Variants in NDST3 observed in about 807,000 individuals in gnomAD.
NDST3 encodes the protein bifunctional heparan sulfate N-deacetylase/N-sulfotransferase 3.
In NDST3, 58 loss-of-function variants were observed where a neutral mutation model predicts 96.1. That is an observed-to-expected ratio of 0.60 (90% confidence interval 0.49 to 0.75). The LOEUF (loss-of-function observed/expected upper bound fraction) is 0.75. Among genes scored for constraint, NDST3 ranks in the 30% least tolerant of loss-of-function variants. The probability of loss-of-function intolerance (pLI) is 0.00; values close to 1 mark genes in which losing one functional copy is unlikely to be tolerated. For missense variants in NDST3, 788 were observed against 1,034.2 expected (o/e 0.76, Z 3.27); for synonymous variants, 333 against 359.7 (o/e 0.93, Z 0.84).
rs575597428 is a variant in NDST3 at position 118,251,314 on chromosome 4, G to A, written c.2400-2185G>A. The stretch of plus-strand genomic sequence containing the variant: ...GCTAATTTTTTGTATTTTTAGTAGA[G>A]ATGGGGTTTCACTGTGTTAGCCAGG... On this transcript the variant is annotated intron_variant, in intron 12 of 13. Transcript: ENST00000296499. 5.1e-3 allele frequency among the ~76,000 whole-genome samples: 774 copies of A among 151,436 alleles called. 5 individuals carry two copies. Among genetic ancestry groups the A allele is most frequent in the African/African-American group, 0.018 (733 of 41,348 alleles).
At chr4:118,066,195 A>T (rs747668705) in intron 2 of NDST3, among the ~76,000 whole-genome samples, 3 of 47,392 alleles carry the variant, frequency 6.3e-5, no homozygotes, top group African/African-American at 1.5e-4. Flanking sequence ...TATCTTATAT[A>T]TTATATTTTA....
rs578025202 is a variant in NDST3 at position 118,254,722 on chromosome 4, C to T, written c.2503-871C>T. Among the ~76,000 whole-genome samples, 11 of 152,232 alleles carry T rather than the reference C, an allele frequency of 7.2e-5. No individual in the cohort carries two copies. In the South Asian group the frequency reaches 2.1e-3, roughly 29 times the overall value. On this transcript the variant is annotated intron_variant, in intron 13 of 13. Transcript: ENST00000296499. ...TGGGATTTTTCCCCCACAATTAATA[C>T]ATTACATTAACTGAGAACCCTAAGA...
At chr4:118,197,518 C>T (rs75017647) in intron 6 of NDST3, among the ~76,000 whole-genome samples, 7,655 of 152,108 alleles carry the variant, frequency 0.05, 294 homozygotes, top group Admixed American at 0.067. Flanking sequence ...TATTTAAAAT[C>T]GTTATATCCT....
chr4:118,128,803 A>G (rs1383842590), intron 4 of NDST3, among the ~76,000 whole-genome samples: 8 of 152,060 alleles, frequency 5.3e-5, no homozygotes, highest in Admixed American at 5.2e-4. Context: ...TCAGCAGTGT[A>G]GCCATCAAGT....
rs60479821 is a variant in NDST3 at position 118,249,731 on chromosome 4, T to TACACACACACACAC, written c.2400-3750_2400-3737dup. Among the ~76,000 whole-genome samples, 546 of 145,596 alleles carry TACACACACACACAC rather than the reference T, an allele frequency of 3.8e-3. 1 individual carries two copies. Among genetic ancestry groups the TACACACACACACAC allele is most frequent in the African/African-American group, 9.1e-3 (363 of 39,716 alleles). On this transcript the variant is annotated intron_variant, in intron 12 of 13. Transcript: ENST00000296499. Reference sequence around the variant, plus strand: ...ACTACATATAGACTACAGCCCCACATACACACACACACACACACACACACA... The same window carrying TACACACACACACAC: ...ACTACATATAGACTACAGCCCCACATACACACACACACACACACACACACACACACACACACACA...
Position 118,042,388 on chromosome 4 carries a change from G to C in NDST3, c.-156+7796G>C, listed in dbSNP as rs147393994. 2.1e-3 allele frequency among the ~76,000 whole-genome samples: 325 copies of C among 152,162 alleles called. 2 individuals carry two copies. Among genetic ancestry groups the C allele is most frequent in the African/African-American group, 7.3e-3 (304 of 41,518 alleles). On this transcript the variant is annotated intron_variant, in intron 1 of 13. Transcript: ENST00000296499. Reference sequence around the variant, plus strand: ...ACCACCTCACACATGGATTACAGCAGCAGCCCCTTAGCTGGGACTGTCTTG... The same window carrying C: ...ACCACCTCACACATGGATTACAGCACCAGCCCCTTAGCTGGGACTGTCTTG...
At chr4:118,159,869 C>A (rs1430743020) in intron 6 of NDST3, among the ~76,000 whole-genome samples, 2 of 151,698 alleles carry the variant, frequency 1.3e-5, no homozygotes, top group Admixed American at 6.6e-5. Context: ...GCCCAGGGAG[C>A]AAAATAAAAT....
chr4:118,193,831 A>G (rs961597395), intron 6 of NDST3: 2 of 1,396,462 alleles, frequency 1.4e-6, no homozygotes, highest in Non-Finnish European at 2.0e-6. Flanking sequence ...AGGCCAGTTG[A>G]AGGGCCTGTG....
Position 118,169,615 on chromosome 4 carries a change from A to T in NDST3, c.1539+25931A>T, listed in dbSNP as rs574039209. Among the ~76,000 whole-genome samples the T allele has an allele frequency of 5.6e-3, 859 of 152,054 alleles. 9 individuals carry two copies. Among genetic ancestry groups the T allele is most frequent in the African/African-American group, 0.02 (825 of 41,478 alleles). ...TTGAAACTAGCCTGGCCAACATGGC[A>T]AAACCCCGTCTTTACTAAAAATAAA... On this transcript the variant is annotated intron_variant, in intron 6 of 13. Coordinates refer to ENST00000296499, the MANE Select transcript of NDST3 (RefSeq NM_004784.3).
intron 2 of NDST3, among the ~76,000 whole-genome samples, chr4:118,074,271 T>C (rs983449802): frequency 2.6e-5 from 4 of 152,196 alleles, no homozygotes; most frequent in Non-Finnish European, 5.9e-5. Flanking sequence ...TGGAAAGTTC[T>C]GTAGATATCT....
intron 2 of NDST3, among the ~76,000 whole-genome samples, chr4:118,086,571 C>G (rs373547963): frequency 6.6e-6 from 1 of 152,138 alleles, no homozygotes; most frequent in Non-Finnish European, 1.5e-5. Flanking sequence ...TGCCAACCAT[C>G]TTGGCCTAAG....
intron 1 of NDST3, among the ~76,000 whole-genome samples, chr4:118,050,183 C>T (rs1436894896): frequency 1.3e-5 from 2 of 152,050 alleles, no homozygotes; most frequent in African/African-American, 4.8e-5. Flanking sequence ...ATTCAACATA[C>T]CTTCATGATA....
intron 1 of NDST3, among the ~76,000 whole-genome samples, chr4:118,050,172 A>G (rs957659040): frequency 4.6e-5 from 7 of 152,202 alleles, no homozygotes; most frequent in African/African-American, 1.7e-4. Context: ...CTTTCAATAA[A>G]ATTCAACATA....
Position 118,054,185 on chromosome 4 carries a change from G to T in NDST3, c.275G>T (p.Gly92Val), listed in dbSNP as rs1263867303. 1.9e-6 allele frequency: 3 copies of T among 1,612,892 alleles called. No homozygotes were observed. The South Asian group carries it at 3.3e-5, about 18-fold the overall frequency. ...VFVESQYSSL[G>V]QDIIMILESS... Reference sequence around the variant, plus strand: ...GTAGAGAGCCAGTACTCATCTCTTGGTCAAGACATCATTATGATTCTAGAA... The same window carrying T: ...GTAGAGAGCCAGTACTCATCTCTTGTTCAAGACATCATTATGATTCTAGAA... Residue 92 changes from glycine to valine, a missense_variant, in exon 2 of 14, where the codon GGT becomes GTT. Coordinates refer to ENST00000296499, the MANE Select transcript of NDST3 (RefSeq NM_004784.3).
intron 1 of NDST3, among the ~76,000 whole-genome samples, chr4:118,047,957 A>G (rs1424318055): frequency 1.3e-5 from 2 of 152,182 alleles, no homozygotes; most frequent in African/African-American, 2.4e-5. Flanking sequence ...CAAAAGAAAA[A>G]ATCTTAAAGG....
chr4:118,108,550 C>A (rs937352247), intron 3 of NDST3, among the ~76,000 whole-genome samples: 3 of 152,074 alleles, frequency 2.0e-5, no homozygotes, highest in Non-Finnish European at 4.4e-5. Context: ...CTATATACTA[C>A]TAACATCAAT....
Position 118,054,903 on chromosome 4 carries a change from T to C in NDST3, c.981+12T>C. 1 of 1,605,140 alleles carries C rather than the reference T, an allele frequency of 6.2e-7. No homozygotes were observed. The highest frequency in any genetic ancestry group is 8.5e-7 in the Non-Finnish European group (1 of 1,178,702). The stretch of plus-strand genomic sequence containing the variant: ...CCAATGATGTAAAGGTAAGGCTCTA[T>C]TTTCTCAAGTTTCAAAGTTCAGTTC... On this transcript the variant is annotated intron_variant, in intron 2 of 13. Coordinates refer to ENST00000296499, the MANE Select transcript of NDST3 (RefSeq NM_004784.3).
At chr4:118,100,887 G>A (rs944430753) in intron 2 of NDST3, among the ~76,000 whole-genome samples, 8 of 152,126 alleles carry the variant, frequency 5.3e-5, no homozygotes, top group Non-Finnish European at 4.4e-5. Context: ...GCGTGTACAC[G>A]CGTGTGTGTA....
intron 4 of NDST3, among the ~76,000 whole-genome samples, chr4:118,117,633 G>T (rs1382646168): frequency 1.3e-5 from 2 of 151,912 alleles, no homozygotes; most frequent in Admixed American, 1.3e-4. Flanking sequence ...GGAATTGTAG[G>T]TCTATTTATT....
Sources: allele counts gnomAD v4.1 joint callset (sites outside exome capture counted in the v4.1 genomes callset), GRCh38; gene constraint gnomAD v4.1.1; transcripts MANE v1.5; gene names NCBI Gene and HGNC (gene_info 2026-07-23, HGNC 2026-07-21).